Variants in MED13L observed in about 807,000 individuals in gnomAD.
MED13L encodes the protein mediator complex subunit 13L, also known as mediator of RNA polymerase II transcription subunit 13-like.
Under a neutral mutation model 220.9 loss-of-function variants are expected in MED13L, and 7 were observed. That is an observed-to-expected ratio of 0.03 (90% CI 0.02 to 0.06). The LOEUF is 0.06. MED13L is among the 10% of genes least tolerant of loss of function. MED13L has a pLI of 1.00. For synonymous variants in MED13L, 1,011 were observed against 1,015.2 expected, an observed-to-expected ratio of 1.00 and a Z score of 0.08; for missense variants, 1,965 against 2,760.5, an observed-to-expected ratio of 0.71 and a Z score of 6.46.
At position 116,266,294 on chromosome 12, in the gene MED13L, G is replaced by C. The variant is rs551309965; in HGVS notation, c.72+10766C>G. Among the ~76,000 whole-genome samples, 8 of 152,310 alleles carry C rather than the reference G, an allele frequency of 5.3e-5. No individual in the cohort carries two copies. The South Asian group carries it at 1.7e-3, about 32-fold the overall frequency. On this transcript the variant is annotated intron_variant, in intron 1 of 30. Transcript: ENST00000281928. ...GAGTGAAGGAGGAGAGGAAAGAGAA[G>C]GGAAGTGCTAAAATGCAAAGAAATA...
rs761547177 is a variant in MED13L at position 115,991,747 on chromosome 12, T to C, written c.3207A>G (p.Gln1069=). The change falls in exon 17 of 31, where the codon CAA becomes CAG. Residue 1069 remains glutamine, a synonymous_variant. Coordinates refer to ENST00000281928, the MANE Select transcript of MED13L (RefSeq NM_015335.5). This position sits in a 1 kb window ranked among gnomAD's most constrained non-coding sequence, Gnocchi z 7.7. ...TPRGGGTASG[Q]GSVKYDSTDQ... ...CGGTGCTATCATACTTAACAGACCC[T>C]TGACCACTGGCAGTGCCCCCACCTC... 3.0e-5 allele frequency: 48 copies of C among 1,613,784 alleles called. No homozygotes were observed. Among genetic ancestry groups the C allele is most frequent in the Non-Finnish European group, 3.3e-5 (39 of 1,179,928 alleles).
At chr12:116,237,961 G>T (rs1870249123) in intron 1 of MED13L, among the ~76,000 whole-genome samples, 1 of 152,024 alleles carries the variant, frequency 6.6e-6, no homozygotes, top group Non-Finnish European at 1.5e-5. Context: ...ATTTCCTGTT[G>T]AATAATTTAA....
chr12:116,096,666 C>T lies in MED13L; in HGVS notation c.479+3G>A. The T allele has an allele frequency of 6.2e-7, 1 of 1,613,618 alleles. No homozygotes were observed. Among genetic ancestry groups the T allele is most frequent in the Non-Finnish European group, 8.5e-7 (1 of 1,179,612 alleles). On this transcript the variant is annotated splice_donor_region_variant and intron_variant, in intron 4 of 30. Transcript: ENST00000281928. Reference sequence around the variant, plus strand: ...AAAAGCCAAGAGCATTCTAAAGGCTCACCTTTTGTTGACTGGCTTTTCATC... The same window carrying T: ...AAAAGCCAAGAGCATTCTAAAGGCTTACCTTTTGTTGACTGGCTTTTCATC...
chr12:116,071,807 A>G (rs952513303), intron 4 of MED13L, among the ~76,000 whole-genome samples: 11 of 146,902 alleles, frequency 7.5e-5, no homozygotes, highest in Non-Finnish European at 1.1e-4. Context: ...AGTAAACATT[A>G]TTTTATATGG....
At chr12:116,092,080 G>A (rs1244601237) in intron 4 of MED13L, among the ~76,000 whole-genome samples, 1 of 152,208 alleles carries the variant, frequency 6.6e-6, no homozygotes, top group Non-Finnish European at 1.5e-5. Context: ...TATTATGCAT[G>A]ATTATGTAAG....
Position 116,005,857 on chromosome 12 carries a change from C to T in MED13L, c.2469+12G>A, listed in dbSNP as rs764893438. The T allele has an allele frequency of 1.7e-5, 27 of 1,613,478 alleles. No homozygotes were observed. Among genetic ancestry groups the T allele is most frequent in the South Asian group, 2.2e-5 (2 of 91,084 alleles). On this transcript the variant is annotated intron_variant, in intron 13 of 30. Transcript: ENST00000281928. Reference sequence around the variant, plus strand: ...AGCGAAATTTTTGTTTATGTAGCTACGGCAAACTCACCCCAAGTTCGTCGT... The same window carrying T: ...AGCGAAATTTTTGTTTATGTAGCTATGGCAAACTCACCCCAAGTTCGTCGT...
At chr12:116,028,014 C>CTGA (rs1267216242) in intron 4 of MED13L, among the ~76,000 whole-genome samples, 4 of 152,174 alleles carry the variant, frequency 2.6e-5, no homozygotes, top group African/African-American at 9.7e-5. Context: ...AAAGTCCACC[C>CTGA]TCCTTCATTT....
intron 2 of MED13L, among the ~76,000 whole-genome samples, chr12:116,226,294 C>G (rs1174326934): frequency 6.6e-6 from 1 of 152,158 alleles, no homozygotes; most frequent in Non-Finnish European, 1.5e-5. Context: ...CTGTTGAACT[C>G]ACTGCCAAAT....
chr12:116,012,971 G>C, intron 8 of MED13L, 70 bp from the exon 9 acceptor site: 1 of 1,104,290 alleles, frequency 9.1e-7, no homozygotes, highest in Non-Finnish European at 1.4e-6. Flanking sequence ...AAATGTTCAA[G>C]AGTTGAATAC....
chr12:116,044,193 T>C (rs1031974800), intron 4 of MED13L, among the ~76,000 whole-genome samples: 2 of 152,186 alleles, frequency 1.3e-5, no homozygotes, highest in Admixed American at 6.5e-5. Context: ...GGATTACAAA[T>C]GCAGGATTTA....
chr12:116,116,244 C>G (rs1385784245), intron 2 of MED13L, among the ~76,000 whole-genome samples: 1 of 152,242 alleles, frequency 6.6e-6, no homozygotes, highest in Admixed American at 6.5e-5. Context: ...TCCCCAACCC[C>G]CACCCTGACT....
intron 9 of MED13L, among the ~76,000 whole-genome samples, chr12:116,010,942 T>C (rs1263139403): frequency 3.3e-5 from 5 of 151,474 alleles, no homozygotes; most frequent in Admixed American, 2.0e-4. Context: ...AGTGGTGCGA[T>C]CTCGGCTCAC....
At chr12:116,181,649 A>G (rs533769600) in intron 2 of MED13L, among the ~76,000 whole-genome samples, 9 of 152,190 alleles carry the variant, frequency 5.9e-5, no homozygotes, top group African/African-American at 2.2e-4. Flanking sequence ...CTGGGGTTAC[A>G]TGCCACCATG....
chr12:116,042,135 C>T (rs1261478770), intron 4 of MED13L, among the ~76,000 whole-genome samples: 2 of 152,138 alleles, frequency 1.3e-5, no homozygotes, highest in East Asian at 3.9e-4. Flanking sequence ...ACAGACTGGT[C>T]AATACTTCAT....
intron 1 of MED13L, among the ~76,000 whole-genome samples, chr12:116,250,048 A>C (rs1327143883): frequency 2.1e-4 from 32 of 149,148 alleles, no homozygotes; most frequent in Non-Finnish European, 3.7e-4. Flanking sequence ...AAAAAAAAAA[A>C]ACACACCAAA....
intron 14 of MED13L, among the ~76,000 whole-genome samples, chr12:115,999,474 A>C (rs572659781): frequency 5.4e-4 from 82 of 152,288 alleles, no homozygotes; most frequent in African/African-American, 1.9e-3. Context: ...AAGCCGAAGA[A>C]CAGCTACTAC....
intron 7 of MED13L, among the ~76,000 whole-genome samples, chr12:116,017,993 C>G (rs998021751): frequency 2.0e-5 from 3 of 151,598 alleles, no homozygotes; most frequent in Non-Finnish European, 4.4e-5. Context: ...ACATACATGT[C>G]CATTTCTATG....
intron 30 of MED13L, chr12:115,961,603 A>G (rs1279020625): frequency 2.7e-5 from 19 of 691,668 alleles, no homozygotes; most frequent in Non-Finnish European, 4.6e-5. Context: ...GCAGCCACAC[A>G]TGGCCATTGA....
intron 4 of MED13L, among the ~76,000 whole-genome samples, chr12:116,068,529 G>C (rs75206891): frequency 0.021 from 3,140 of 152,228 alleles, 58 homozygotes; most frequent in Middle Eastern, 0.054. Flanking sequence ...GCAAAATCTT[G>C]ACACAGATTG....
Sources: allele counts gnomAD v4.1 joint callset (sites outside exome capture counted in the v4.1 genomes callset), GRCh38; gene constraint gnomAD v4.1.1; non-coding constraint Gnocchi (gnomAD v3.1); transcripts MANE v1.5; gene names NCBI Gene and HGNC (gene_info 2026-07-23, HGNC 2026-07-21).